Variants in STK3 observed in about 807,000 individuals in gnomAD.
STK3 encodes serine/threonine kinase 3.
In STK3, 41 loss-of-function variants were observed where a neutral mutation model predicts 58.0. That is an observed-to-expected ratio of 0.71 (90% CI 0.55 to 0.92). The LOEUF (loss-of-function observed/expected upper bound fraction) is 0.92, where lower values mean the gene tolerates loss of function less well. STK3 is among the 40% of genes least tolerant of loss of function. The pLI is 0.00. For synonymous variants in STK3, 170 were observed against 191.0 expected (o/e 0.89, Z 0.91); for missense variants, 479 against 602.7 (o/e 0.79, Z 2.15).
chr8:98,675,919 T>C (rs79069733), intron 6 of STK3, among the ~76,000 whole-genome samples: 4,080 of 151,984 alleles, frequency 0.027, 175 homozygotes, highest in African/African-American at 0.091. Context: ...TCCACATTCA[T>C]AGCACGATTC....
chr8:98,390,240 T>C (rs888964892), upstream of STK3, among the ~76,000 whole-genome samples: 2 of 152,238 alleles, frequency 1.3e-5, no homozygotes, highest in African/African-American at 4.8e-5. Flanking sequence ...TTTTCTTTAT[T>C]CTGATTCACA....
At chr8:98,909,226 T>G (rs1380180534) in intron 1 of STK3, among the ~76,000 whole-genome samples, 4 of 152,336 alleles carry the variant, frequency 2.6e-5, no homozygotes, top group African/African-American at 9.6e-5. Context: ...CTTTTTATTT[T>G]ATACAGGCTC....
intron 4 of STK3, among the ~76,000 whole-genome samples, chr8:98,723,860 T>G (rs1180221436): frequency 6.6e-6 from 1 of 152,108 alleles, no homozygotes; most frequent in East Asian, 1.9e-4. Context: ...AAGGCCTGGA[T>G]CAAACTTTGC....
chr8:98,856,853 A>G (rs1836703856), intron 3 of STK3, among the ~76,000 whole-genome samples: 1 of 152,252 alleles, frequency 6.6e-6, no homozygotes, highest in South Asian at 2.1e-4. Flanking sequence ...ACATCTATGT[A>G]ATTAAATGTT....
intron 10 of STK3, among the ~76,000 whole-genome samples, chr8:98,479,710 A>G (rs1174886740): frequency 6.6e-6 from 1 of 152,208 alleles, no homozygotes; most frequent in African/African-American, 2.4e-5. Flanking sequence ...ATTACTTGAC[A>G]TATGAAGAAT....
At chr8:98,526,398 C>G (rs1825743626) in intron 10 of STK3, 1 of 157,462 alleles carries the variant, frequency 6.4e-6, no homozygotes, top group Admixed American at 6.5e-5. Flanking sequence ...TTAATTTTGG[C>G]AACTGAGTTT....
intron 1 of STK3, among the ~76,000 whole-genome samples, chr8:98,379,540 G>A (rs1255207089): frequency 6.6e-6 from 1 of 152,212 alleles, no homozygotes. Flanking sequence ...GACCTGTGGT[G>A]CAGCTTGGAA....
the STK3 span, among the ~76,000 whole-genome samples, chr8:98,355,607 G>A: frequency 6.6e-6 from 1 of 152,188 alleles, no homozygotes; most frequent in African/African-American, 2.4e-5. Flanking sequence ...GAGGGCATCT[G>A]CTATAAGCTT....
intron 10 of STK3, among the ~76,000 whole-genome samples, chr8:98,471,638 C>T (rs73274001): frequency 0.015 from 2,298 of 152,108 alleles, 61 homozygotes; most frequent in African/African-American, 0.053. Context: ...CTCCAAGTAC[C>T]GTTTCTACTG....
intron 1 of STK3, among the ~76,000 whole-genome samples, chr8:98,812,155 C>T (rs1195439955): frequency 6.6e-6 from 1 of 152,084 alleles, no homozygotes; most frequent in Non-Finnish European, 1.5e-5. Flanking sequence ...AAAAGCTCAA[C>T]ATTTTATAAA....
chr8:98,459,784 T>C (rs192573644), intron 10 of STK3, among the ~76,000 whole-genome samples: 1 of 152,310 alleles, frequency 6.6e-6, no homozygotes, highest in East Asian at 1.9e-4. Flanking sequence ...GGCTTCCACA[T>C]GGTGTTGGGC....
At chr8:98,702,581 C>G (rs1825702256) in intron 6 of STK3, among the ~76,000 whole-genome samples, 1 of 152,192 alleles carries the variant, frequency 6.6e-6, no homozygotes, top group African/African-American at 2.4e-5. Context: ...ACTTTACAAA[C>G]AGGCCTGGTA....
At chr8:98,611,251 A>G (rs1276777061) in intron 6 of STK3, among the ~76,000 whole-genome samples, 3 of 152,204 alleles carry the variant, frequency 2.0e-5, no homozygotes, top group Non-Finnish European at 4.4e-5. Context: ...ATAGAAGTCA[A>G]TGTAAATTAG....
chr8:98,929,360 A>G (rs1839926439), intron 1 of STK3, among the ~76,000 whole-genome samples: 1 of 152,096 alleles, frequency 6.6e-6, no homozygotes, highest in Non-Finnish European at 1.5e-5. Flanking sequence ...GTTGTGATTC[A>G]AAGATCAGGT....
intron 3 of STK3, among the ~76,000 whole-genome samples, chr8:98,416,499 G>C (rs915533394): frequency 4.0e-5 from 6 of 151,530 alleles, no homozygotes; most frequent in Admixed American, 6.6e-5. Context: ...AACCCTAAGA[G>C]AGGACCGCTC....
chr8:98,523,715 T>C (rs1825550243), intron 10 of STK3, among the ~76,000 whole-genome samples: 1 of 152,074 alleles, frequency 6.6e-6, no homozygotes, highest in African/African-American at 2.4e-5. Context: ...GGTTTTTTTT[T>C]TGTTGCTGTT....
chr8:98,658,204 A>G (rs1390813757), intron 6 of STK3, among the ~76,000 whole-genome samples: 2 of 152,112 alleles, frequency 1.3e-5, no homozygotes, highest in African/African-American at 4.8e-5. Context: ...GCAAAATTAT[A>G]GGATATATGG....
chr8:98,792,942 C>T (rs1016072903), intron 1 of STK3, among the ~76,000 whole-genome samples: 4 of 148,284 alleles, frequency 2.7e-5, no homozygotes, highest in African/African-American at 1.0e-4. Flanking sequence ...TATGTGTGTA[C>T]ATATATGTGT....
chr8:98,912,497 C>T (rs779028165), intron 1 of STK3, among the ~76,000 whole-genome samples: 2 of 152,060 alleles, frequency 1.3e-5, no homozygotes, highest in Non-Finnish European at 2.9e-5. Flanking sequence ...CCAAATTAAA[C>T]GTGTCTGCTT....
Sources: gnomAD v4.1 joint callset for allele counts (sites outside exome capture counted in the v4.1 genomes callset) on GRCh38, gnomAD v4.1.1 for gene constraint, MANE v1.5 for transcripts, NCBI Gene and HGNC (gene_info 2026-07-23, HGNC 2026-07-21) for gene names.